Variants in HTR1F observed in about 807,000 individuals in gnomAD.
The protein encoded by HTR1F is 5-hydroxytryptamine (serotonin) receptor 1F, G protein-coupled.
A neutral mutation model predicts 24.0 loss-of-function variants in HTR1F; 17 were observed. The observed-to-expected ratio is 0.71, with a 90% CI of 0.48 to 1.06. The LOEUF (loss-of-function observed/expected upper bound fraction) is 1.06, where lower values mean the gene tolerates loss of function less well. HTR1F is among the 50% of genes least tolerant of loss of function. The probability of loss-of-function intolerance (pLI) is 0.00; values close to 1 mark genes in which losing one functional copy is unlikely to be tolerated. For missense variants in HTR1F, 391 were observed against 427.8 expected, an observed-to-expected ratio of 0.91 and a Z score of 0.76; for synonymous variants, 186 against 156.8, an observed-to-expected ratio of 1.19 and a Z score of -1.39.
chr3:87,894,150 G>C (rs541237682), intron 2 of HTR1F, among the ~76,000 whole-genome samples: 10 of 152,042 alleles, frequency 6.6e-5, no homozygotes, highest in Non-Finnish European at 1.2e-4. Context: ...CACCGAACCT[G>C]GATGGTAGTC....
At position 87,977,573 on chromosome 3, in the gene HTR1F, CT is replaced by C. The variant is rs541688626; in HGVS notation, c.-42-13123del. On this transcript the variant is annotated intron_variant, in intron 2 of 2. Coordinates refer to ENST00000319595, the MANE Select transcript of HTR1F (RefSeq NM_001322209.2). ...GCCAGCACGCCCAGCTAATTTTTTT[CT>C]TTTTTTTTTTTCTTTTTTTTTGTAT... Among the ~76,000 whole-genome samples, 718 of 140,632 alleles carry C rather than the reference CT, an allele frequency of 5.1e-3. 2 individuals carry two copies. Among genetic ancestry groups the C allele is most frequent in the African/African-American group, 0.014 (530 of 37,980 alleles). 92.3% of individuals were successfully genotyped at this position (140,632 alleles called of 152,430 possible).
At chr3:87,843,029 C>A (rs1190592857) in intron 2 of HTR1F, among the ~76,000 whole-genome samples, 1 of 151,792 alleles carries the variant, frequency 6.6e-6, no homozygotes, top group Non-Finnish European at 1.5e-5. Context: ...CCTCTATCTT[C>A]AAAGCATGCA....
chr3:87,920,857 C>A (rs1703998825), intron 2 of HTR1F, among the ~76,000 whole-genome samples: 1 of 151,934 alleles, frequency 6.6e-6, no homozygotes, highest in Admixed American at 6.6e-5. Flanking sequence ...CCCTGAACAT[C>A]TGCCCCTGAA....
chr3:87,993,265 A>G lies in HTR1F; in HGVS notation c.*1415A>G, dbSNP rs934629944. The G allele has an allele frequency of 6.0e-6, 1 of 166,682 alleles. No homozygotes were observed. Among genetic ancestry groups the G allele is most frequent in the African/African-American group, 2.4e-5 (1 of 41,302 alleles). 10.3% of individuals were successfully genotyped at this position (166,682 alleles called of 1,614,324 possible). A position where few individuals can be genotyped will look rare whatever the true frequency, so the allele number is the denominator to read the frequency against. On this transcript the variant is annotated 3_prime_UTR_variant, in exon 3 of 3. Coordinates refer to ENST00000319595, the MANE Select transcript of HTR1F (RefSeq NM_001322209.2). ...ATAGATCTGTGACAAATTACTCTCA[A>G]TCTAACAAACATTTACAGAGTTCCC...
intron 2 of HTR1F, among the ~76,000 whole-genome samples, chr3:87,945,849 A>G (rs754119905): frequency 3.3e-5 from 5 of 151,820 alleles, no homozygotes; most frequent in African/African-American, 4.9e-5. Context: ...CTTGGTCGCC[A>G]AAATGTTACC....
chr3:87,863,936 C>T (rs1450625557), intron 2 of HTR1F, among the ~76,000 whole-genome samples: 4 of 152,186 alleles, frequency 2.6e-5, no homozygotes, highest in Admixed American at 6.5e-5. Context: ...GACCTTCAAC[C>T]CAGAATATAT....
chr3:87,825,083 T>C (rs1704436349), intron 2 of HTR1F, among the ~76,000 whole-genome samples: 1 of 152,186 alleles, frequency 6.6e-6, no homozygotes, highest in Non-Finnish European at 1.5e-5. Context: ...TAAAAATATG[T>C]CATAGCAATA....
intron 2 of HTR1F, among the ~76,000 whole-genome samples, chr3:87,876,888 T>C (rs1705683138): frequency 6.6e-6 from 1 of 152,178 alleles, no homozygotes; most frequent in South Asian, 2.1e-4. Context: ...TTCATATATA[T>C]AAAACTACTG....
chr3:87,862,621 C>T (rs1191465636), intron 2 of HTR1F, among the ~76,000 whole-genome samples: 2 of 152,152 alleles, frequency 1.3e-5, no homozygotes, highest in Non-Finnish European at 2.9e-5. Context: ...AGACACGTGT[C>T]TTTTCCATGG....
chr3:87,880,362 C>A (rs1181550635), intron 2 of HTR1F, among the ~76,000 whole-genome samples: 3 of 151,758 alleles, frequency 2.0e-5, no homozygotes, highest in East Asian at 3.9e-4. Flanking sequence ...ATAATTTTCA[C>A]CAAAATTAAT....
At position 87,991,187 on chromosome 3, in the gene HTR1F, A is replaced by C. The variant is rs749951767; in HGVS notation, c.438A>C (p.Ile146=). Residue 146 remains isoleucine (I), a synonymous_variant, in exon 3 of 3, where the codon ATA becomes ATC. Coordinates refer to ENST00000319595, the MANE Select transcript of HTR1F (RefSeq NM_001322209.2). ...AGCATGCTGGCATTATGATTACAAT[A>C]GTTTGGATTATATCTGTTTTTATCT... is the stretch of plus-strand genomic sequence containing the variant. ...TPKHAGIMIT[I]VWIISVFISM... 2 of 1,614,032 alleles carry C rather than the reference A, an allele frequency of 1.2e-6. No individual in the cohort carries two copies. Among genetic ancestry groups the C allele is most frequent in the Admixed American group, 3.3e-5 (2 of 59,988 alleles).
At chr3:87,979,925 C>T (rs1257362551) in intron 2 of HTR1F, among the ~76,000 whole-genome samples, 1 of 152,192 alleles carries the variant, frequency 6.6e-6, no homozygotes, top group African/African-American at 2.4e-5. Context: ...TGCAGTAGCA[C>T]CTGGAAGCAT....
At chr3:87,905,825 G>A (rs1211033866) in intron 2 of HTR1F, among the ~76,000 whole-genome samples, 5 of 152,072 alleles carry the variant, frequency 3.3e-5, no homozygotes, top group Admixed American at 3.3e-4. Context: ...GAAGTAGAAT[G>A]TTTGAAGACT....
At chr3:87,975,572 A>C (rs1705378610) in intron 2 of HTR1F, among the ~76,000 whole-genome samples, 1 of 152,196 alleles carries the variant, frequency 6.6e-6, no homozygotes. Context: ...TGTCTAAAAC[A>C]GGAAGAAACA....
At chr3:87,833,589 A>G (rs1704625057) in intron 2 of HTR1F, among the ~76,000 whole-genome samples, 2 of 152,084 alleles carry the variant, frequency 1.3e-5, no homozygotes, top group African/African-American at 4.8e-5. Flanking sequence ...GCAGCCTCAA[A>G]TTCCTGGGCT....
intron 2 of HTR1F, chr3:87,910,422 C>T (rs1407053220): frequency 6.6e-6 from 1 of 151,950 alleles, no homozygotes; most frequent in Non-Finnish European, 1.5e-5. Flanking sequence ...GGAAACCTAA[C>T]TATCGTAAAT....
chr3:87,903,086 A>T (rs1706368361), intron 2 of HTR1F, among the ~76,000 whole-genome samples: 1 of 151,958 alleles, frequency 6.6e-6, no homozygotes. Flanking sequence ...AGAAAGCTGA[A>T]ACTGGATCCC....
intron 2 of HTR1F, among the ~76,000 whole-genome samples, chr3:87,907,604 TC>T (rs1323633777): frequency 6.6e-6 from 1 of 152,026 alleles, no homozygotes; most frequent in Non-Finnish European, 1.5e-5. Flanking sequence ...TCCCCATTTA[TC>T]CTAGAAATAT....
intron 1 of HTR1F, among the ~76,000 whole-genome samples, chr3:87,816,928 A>T (rs1253235819): frequency 1.3e-5 from 2 of 152,146 alleles, no homozygotes; most frequent in Non-Finnish European, 2.9e-5. Flanking sequence ...TATAGTAATT[A>T]TGGCCCCCCA....
Sources: gnomAD v4.1 joint callset for allele counts (sites outside exome capture counted in the v4.1 genomes callset) on GRCh38, gnomAD v4.1.1 for gene constraint, MANE v1.5 for transcripts, NCBI Gene and HGNC (gene_info 2026-07-23, HGNC 2026-07-21) for gene names.